Variants in PPP2R2B observed in about 807,000 individuals in gnomAD.
PPP2R2B encodes the protein protein phosphatase 2 regulatory subunit Bbeta.
Under a neutral mutation model 46.0 loss-of-function variants are expected in PPP2R2B, and 5 were observed. The ratio of observed to expected loss-of-function variants is 0.11; its 90% CI spans 0.06 to 0.23. PPP2R2B has a LOEUF of 0.23. Among genes scored for constraint, PPP2R2B ranks in the 10% least tolerant of loss-of-function variants. The pLI is 1.00. For synonymous variants in PPP2R2B, 215 were observed against 206.7 expected, an observed-to-expected ratio of 1.04 and a Z score of -0.34; for missense variants, 367 against 575.0, an observed-to-expected ratio of 0.64 and a Z score of 3.70.
At chr5:146,850,285 C>T (rs1760263634) in intron 2 of PPP2R2B, among the ~76,000 whole-genome samples, 2 of 152,176 alleles carry the variant, frequency 1.3e-5, no homozygotes, top group African/African-American at 4.8e-5. Context: ...TAGATCTATT[C>T]TAGACCCTTT....
At chr5:146,836,499 C>T (rs1759289909) in intron 2 of PPP2R2B, among the ~76,000 whole-genome samples, 1 of 152,174 alleles carries the variant, frequency 6.6e-6, no homozygotes, top group Non-Finnish European at 1.5e-5. Context: ...GTTGAGCTGA[C>T]CCGGCTCAGC....
At chr5:146,971,622 A>AGTCAAGT (rs796189454) in intron 1 of PPP2R2B, among the ~76,000 whole-genome samples, 142 of 152,338 alleles carry the variant, frequency 9.3e-4, no homozygotes, top group African/African-American at 3.1e-3. Context: ...GTAACTGCTG[A>AGTCAAGT]GTCAAGTGAT....
At chr5:147,032,708 A>G (rs1402035193) in intron 1 of PPP2R2B, among the ~76,000 whole-genome samples, 1 of 152,210 alleles carries the variant, frequency 6.6e-6, no homozygotes, top group East Asian at 1.9e-4. Context: ...ATGGCTGTGT[A>G]GTATTCCATC....
intron 2 of PPP2R2B, among the ~76,000 whole-genome samples, chr5:146,874,522 G>A (rs1457253072): frequency 6.6e-6 from 1 of 152,198 alleles, no homozygotes; most frequent in Non-Finnish European, 1.5e-5. Flanking sequence ...CCGAGTGCTT[G>A]AGTGCTTTCT....
At chr5:146,721,631 A>T (rs1780802063) in intron 2 of PPP2R2B, among the ~76,000 whole-genome samples, 2 of 152,252 alleles carry the variant, frequency 1.3e-5, no homozygotes, top group African/African-American at 4.8e-5. Context: ...GGCCCAAGCC[A>T]GGCTGCCGCC....
At chr5:146,892,144 C>A (rs1014426004) in intron 1 of PPP2R2B, among the ~76,000 whole-genome samples, 13 of 152,160 alleles carry the variant, frequency 8.5e-5, no homozygotes, top group Admixed American at 1.3e-4. Flanking sequence ...ACCTATCCTT[C>A]AAATCCCAGC....
intron 2 of PPP2R2B, among the ~76,000 whole-genome samples, chr5:146,832,971 T>G (rs1759055624): frequency 6.6e-6 from 1 of 151,972 alleles, no homozygotes; most frequent in Admixed American, 6.6e-5. Flanking sequence ...CATGACTGTG[T>G]GTATATTAAT....
chr5:147,030,537 T>A (rs376269229), intron 1 of PPP2R2B, among the ~76,000 whole-genome samples: 3 of 152,186 alleles, frequency 2.0e-5, no homozygotes, highest in Non-Finnish European at 4.4e-5. Context: ...TTACAATTAA[T>A]GTAACTACCA....
Position 146,938,832 on chromosome 5 carries a change from G to A in PPP2R2B, c.79+116833C>T, listed in dbSNP as rs183601262. On this transcript the variant is annotated intron_variant, in intron 1 of 8. Coordinates refer to the PPP2R2B transcript ENST00000336640. ...AGGATGGAGTGATGGAGTGCATGGA[G>A]TGCAGTGGTGTGATCTCAGCTCACT... 4.3e-4 allele frequency among the ~76,000 whole-genome samples: 60 copies of A among 140,762 alleles called. 1 individual carries two copies. The highest frequency in any genetic ancestry group is 1.5e-3 in the African/African-American group (58 of 37,746). The allele number at this position is 140,762 out of a possible 152,430, so 92.3% of individuals were successfully genotyped here.
At chr5:147,063,237 T>C (rs1047449887) in intron 2 of PPP2R2B, among the ~76,000 whole-genome samples, 2 of 152,076 alleles carry the variant, frequency 1.3e-5, no homozygotes, top group Non-Finnish European at 2.9e-5. Context: ...GGTGGTAGCA[T>C]CTGAGATAGG....
intron 1 of PPP2R2B, among the ~76,000 whole-genome samples, chr5:146,886,340 A>AAAATAAATAAATAAATAAATAAATAAAT (rs59329730): frequency 1.8e-3 from 256 of 145,206 alleles, no homozygotes; most frequent in African/African-American, 3.4e-3. Flanking sequence ...CTCCGTCTCA[A>AAAATAAATAAATAAATAAATAAATAAAT]AAATAAATAA....
In PPP2R2B at chr5:146,726,137, G is replaced by A. The variant is rs538587733; in HGVS notation, c.71-24995C>T. Among the ~76,000 whole-genome samples, 10 of 152,278 alleles carry A rather than the reference G, an allele frequency of 6.6e-5. No individual in the cohort carries two copies. The South Asian group carries it at 2.1e-3, about 32-fold the overall frequency. Reference sequence around the variant, plus strand: ...TTAAAGGGAAGAATCCATCATGCCAGAGGAGGAGGAACAAAAAGCAGGCAC... The same window carrying A: ...TTAAAGGGAAGAATCCATCATGCCAAAGGAGGAGGAACAAAAAGCAGGCAC... On this transcript the variant is annotated intron_variant, in intron 2 of 9. Transcript: ENST00000394411.
At chr5:146,715,749 T>G (rs115068045) in intron 2 of PPP2R2B, among the ~76,000 whole-genome samples, 3,965 of 152,258 alleles carry the variant, frequency 0.026, 53 homozygotes, top group African/African-American at 0.036. Flanking sequence ...TGCCTTTTTG[T>G]GGGCTGCTTC....
intron 2 of PPP2R2B, among the ~76,000 whole-genome samples, chr5:146,840,191 A>C (rs1759543965): frequency 1.3e-5 from 2 of 152,246 alleles, no homozygotes; most frequent in Non-Finnish European, 2.9e-5. Context: ...GTTCAAATGC[A>C]GGCTTGTCAA....
intron 2 of PPP2R2B, among the ~76,000 whole-genome samples, chr5:147,065,994 C>T (rs1257810487): frequency 6.6e-6 from 1 of 152,070 alleles, no homozygotes; most frequent in Non-Finnish European, 1.5e-5. Context: ...GGACCCACAC[C>T]TGGTAATAAC....
chr5:147,005,109 A>G (rs1027532370), intron 1 of PPP2R2B, among the ~76,000 whole-genome samples: 1 of 152,098 alleles, frequency 6.6e-6, no homozygotes, highest in African/African-American at 2.4e-5. Context: ...GAGGCCCTCA[A>G]CCCTGCCACT....
chr5:146,912,001 G>T (rs2151806236), intron 1 of PPP2R2B, among the ~76,000 whole-genome samples: 1 of 152,272 alleles, frequency 6.6e-6, no homozygotes, highest in African/African-American at 2.4e-5. Context: ...ACTTTGGGAG[G>T]CTGAGGCGGG....
intron 1 of PPP2R2B, among the ~76,000 whole-genome samples, chr5:146,912,670 A>C (rs1248762551): frequency 6.6e-6 from 1 of 151,456 alleles, no homozygotes; most frequent in Admixed American, 6.6e-5. Context: ...ATGCCTGGCT[A>C]ATTTTTTTTT....
chr5:147,041,038 A>G (rs1047292359), intron 1 of PPP2R2B, among the ~76,000 whole-genome samples: 1 of 152,170 alleles, frequency 6.6e-6, no homozygotes, highest in Non-Finnish European at 1.5e-5. Context: ...TGTCAGAAAC[A>G]GTCAAACCAC....
Sources: gnomAD v4.1 joint callset for allele counts (sites outside exome capture counted in the v4.1 genomes callset) on GRCh38, gnomAD v4.1.1 for gene constraint, MANE v1.5 for transcripts, NCBI Gene and HGNC (gene_info 2026-07-23, HGNC 2026-07-21) for gene names.